The following ARL13B variants were observed in gnomAD, a reference collection of about 807,000 sequenced individuals.
ARL13B encodes ARF like GTPase 13B, also known as ADP-ribosylation factor-like protein 13B.
In ARL13B, 36 loss-of-function variants were observed where a neutral mutation model predicts 56.1. The observed-to-expected ratio is 0.64, with a 90% CI of 0.49 to 0.85. The LOEUF (loss-of-function observed/expected upper bound fraction) is 0.85. ARL13B is among the 40% of genes least tolerant of loss of function. The pLI is 0.00. For synonymous variants in ARL13B, 178 were observed against 171.1 expected, an observed-to-expected ratio of 1.04 and a Z score of -0.32; for missense variants, 519 against 507.1, an observed-to-expected ratio of 1.02 and a Z score of -0.23.
chr3:94,044,354 G>A lies in ARL13B; in HGVS notation c.1024+1114G>A, dbSNP rs371091237. Among the ~76,000 whole-genome samples the A allele has an allele frequency of 4.2e-5, 6 of 142,704 alleles. No homozygotes were observed. In the East Asian group the frequency reaches 8.6e-4, roughly 21 times the overall value. The allele number at this position is 142,704 out of a possible 152,430, so 93.6% of individuals were successfully genotyped here. On this transcript the variant is annotated intron_variant, in intron 7 of 9. Coordinates refer to ENST00000394222, the MANE Select transcript of ARL13B (RefSeq NM_001174150.2). Reference sequence around the variant, plus strand: ...CCTCTGCCCGGCCGCCACCCCGTCTGGGATGTGAGGAGCGTCTCTGCCCAG... The same window carrying A: ...CCTCTGCCCGGCCGCCACCCCGTCTAGGATGTGAGGAGCGTCTCTGCCCAG...
rs1279957390 is a variant in ARL13B at position 94,035,431 on chromosome 3, CAGAT to C, written c.484_486+1del. 1.3e-5 allele frequency: 20 copies of C among 1,541,744 alleles called. No individual in the cohort carries two copies. The highest frequency in any genetic ancestry group is 1.5e-5 in the Non-Finnish European group (17 of 1,130,088). ...GGTCAATGAGCACAAGTGCCTGTGT[CAGAT>C]AGTAAGGTTTTTTTTTTTTTTTTAA... is the stretch of plus-strand genomic sequence containing the variant. On this transcript the variant is annotated frameshift_variant and splice_region_variant, in exon 4 of 10. Coordinates refer to ENST00000394222, the MANE Select transcript of ARL13B (RefSeq NM_001174150.2). LOFTEE classifies it high-confidence loss of function.
At position 93,990,147 on chromosome 3, in the gene ARL13B, G is replaced by A. The variant is rs376086800; in HGVS notation, c.60-5727G>A. On this transcript the variant is annotated intron_variant, in intron 1 of 9. Coordinates refer to ENST00000394222, the MANE Select transcript of ARL13B (RefSeq NM_001174150.2). ...AGCCTTCTGAGTAGCTGGGATTGCA[G>A]GTGGGCGCCACCAAGCCTGGCTAAT... Among the ~76,000 whole-genome samples the A allele has an allele frequency of 7.9e-5, 12 of 152,228 alleles. No individual in the cohort carries two copies. The East Asian group carries it at 1.7e-3, about 22-fold the overall frequency.
At chr3:94,024,965 T>C (rs1028775620) in intron 3 of ARL13B, among the ~76,000 whole-genome samples, 2 of 152,146 alleles carry the variant, frequency 1.3e-5, no homozygotes, top group Non-Finnish European at 2.9e-5. Flanking sequence ...TTTTAAGAAA[T>C]AGACTATTTC....
At chr3:94,009,699 T>C (rs1371332027) in intron 3 of ARL13B, among the ~76,000 whole-genome samples, 3 of 152,204 alleles carry the variant, frequency 2.0e-5, no homozygotes, top group South Asian at 4.1e-4. Context: ...TTAAGATTTC[T>C]CTCCTTTCAG....
Position 94,049,534 on chromosome 3 carries a change from G to C in ARL13B, c.1141+12G>C. 1 of 1,255,800 alleles carries C rather than the reference G, an allele frequency of 8.0e-7. No individual in the cohort carries two copies. The highest frequency in any genetic ancestry group is 1.1e-6 in the Non-Finnish European group (1 of 906,294). The allele number at this position is 1,255,800 out of a possible 1,614,324, so 77.8% of individuals were successfully genotyped here. A position where few individuals can be genotyped will look rare whatever the true frequency, so the allele number is the denominator to read the frequency against. Reference sequence around the variant, plus strand: ...ACCCCCTCCTCCTGGTGAGTAAATTGATACTGATACTGAATTTAGAAATAT... The same window carrying C: ...ACCCCCTCCTCCTGGTGAGTAAATTCATACTGATACTGAATTTAGAAATAT... On this transcript the variant is annotated intron_variant, in intron 8 of 9. Transcript: ENST00000394222.
At position 93,993,099 on chromosome 3, in the gene ARL13B, C is replaced by T. The variant is rs569277450; in HGVS notation, c.60-2775C>T. On this transcript the variant is annotated intron_variant, in intron 1 of 9. Transcript: ENST00000394222. Reference sequence around the variant, plus strand: ...AGATTACAGGAATGAACCACCAGGCCTGACCTGGCTTGTTTTATTTTATTT... The same window carrying T: ...AGATTACAGGAATGAACCACCAGGCTTGACCTGGCTTGTTTTATTTTATTT... 2.6e-5 allele frequency among the ~76,000 whole-genome samples: 4 copies of T among 151,472 alleles called. No homozygotes were observed. The South Asian group carries it at 8.4e-4, about 32-fold the overall frequency.
chr3:94,017,820 A>G (rs891742270), intron 3 of ARL13B, among the ~76,000 whole-genome samples: 19 of 152,162 alleles, frequency 1.2e-4, no homozygotes, highest in Non-Finnish European at 1.5e-5. Flanking sequence ...CAAGGCAGTG[A>G]ATGAGACTGA....
intron 2 of ARL13B, 129 bp from the exon 3 acceptor site, chr3:94,003,530 C>G: frequency 1.9e-6 from 2 of 1,059,788 alleles, no homozygotes; most frequent in South Asian, 1.5e-5. Context: ...AACCAGTATG[C>G]TTCAAAATAA....
In ARL13B at chr3:94,027,935, A is replaced by T. The variant is rs576901876; in HGVS notation, c.381-7396A>T. ...TAAGACCATTATAGCAAATTATTTC[A>T]GATTTTTAAGGTTATACGTATGTGT... On this transcript the variant is annotated intron_variant, in intron 3 of 9. Coordinates refer to ENST00000394222, the MANE Select transcript of ARL13B (RefSeq NM_001174150.2). 4.6e-5 allele frequency among the ~76,000 whole-genome samples: 7 copies of T among 152,272 alleles called. No homozygotes were observed. In the East Asian group the frequency reaches 1.3e-3, roughly 29 times the overall value.
chr3:94,039,827 A>C, intron 5 of ARL13B, 53 bp from the exon 6 acceptor site: 1 of 1,520,532 alleles, frequency 6.6e-7, no homozygotes, highest in Non-Finnish European at 9.1e-7. Context: ...TTTCTTTAAC[A>C]TGGTTCAGCA....
intron 6 of ARL13B, among the ~76,000 whole-genome samples, chr3:94,041,482 C>G (rs929882324): frequency 5.3e-5 from 8 of 151,888 alleles, no homozygotes; most frequent in Non-Finnish European, 1.0e-4. Flanking sequence ...TTTATATGTG[C>G]TTGGAGGAGG....
At chr3:93,990,730 T>C (rs1348898427) in intron 1 of ARL13B, among the ~76,000 whole-genome samples, 1 of 152,178 alleles carries the variant, frequency 6.6e-6, no homozygotes, top group Non-Finnish European at 1.5e-5. Flanking sequence ...ATGTTCTTCT[T>C]TTGCTTAAGG....
chr3:94,025,600 G>C (rs56232904), intron 3 of ARL13B, among the ~76,000 whole-genome samples: 1 of 152,150 alleles, frequency 6.6e-6, no homozygotes, highest in Non-Finnish European at 1.5e-5. Flanking sequence ...CAGTAGCCTA[G>C]CTTCATTGGG....
chr3:93,988,672 G>T (rs1710585411), intron 1 of ARL13B: 1 of 484,998 alleles, frequency 2.1e-6, no homozygotes, highest in Non-Finnish European at 4.1e-6. Context: ...TTCATCAAAG[G>T]TTGGAGTCTC....
At chr3:94,041,803 G>A (rs573908639) in intron 6 of ARL13B, among the ~76,000 whole-genome samples, 6 of 152,120 alleles carry the variant, frequency 3.9e-5, no homozygotes, top group East Asian at 1.9e-4. Context: ...GGCCAGGCAC[G>A]GTGGCTCACG....
At chr3:93,980,508 C>A (rs989487349) in intron 1 of ARL13B, 26 bp downstream of exon 1, 12 of 1,607,668 alleles carry the variant, frequency 7.5e-6, no homozygotes, top group Non-Finnish European at 8.5e-6. Flanking sequence ...CTGTCCTGGC[C>A]GTCCTAGGGG....
At chr3:94,050,782 C>T (rs751384101) in intron 8 of ARL13B, 42 bp from the exon 9 acceptor site, 2 of 1,563,994 alleles carry the variant, frequency 1.3e-6, no homozygotes, top group Admixed American at 3.4e-5. Context: ...CTAAAGAAAC[C>T]TTGTTTAACA....
chr3:93,980,525 A>G (rs1165884999), intron 1 of ARL13B, 43 bp downstream of exon 1: 1 of 1,604,206 alleles, frequency 6.2e-7, no homozygotes, highest in Non-Finnish European at 8.5e-7. Flanking sequence ...GGGGTTGGAG[A>G]TGGCTGCGCC....
chr3:94,014,580 C>T, intron 3 of ARL13B: 1 of 1,611,684 alleles, frequency 6.2e-7, no homozygotes, highest in Non-Finnish European at 8.5e-7. Flanking sequence ...TGAAAAGATC[C>T]CTTAAATCCT....
Sources: allele counts gnomAD v4.1 joint callset (sites outside exome capture counted in the v4.1 genomes callset), GRCh38; gene constraint gnomAD v4.1.1; transcripts MANE v1.5; gene names NCBI Gene and HGNC (gene_info 2026-07-23, HGNC 2026-07-21).